The following GRM5 variants were observed in gnomAD, a reference collection of about 807,000 sequenced individuals.
GRM5 encodes the protein glutamate metabotropic receptor 5.
A neutral mutation model predicts 83.1 loss-of-function variants in GRM5; 19 were observed. The ratio of observed to expected loss-of-function variants is 0.23; its 90% CI spans 0.16 to 0.34. GRM5 has a LOEUF of 0.34. GRM5 is among the 10% of genes least tolerant of loss of function. The pLI is 1.00. For synonymous variants in GRM5, 675 were observed against 633.6 expected (o/e 1.07, Z -0.98); for missense variants, 1,160 against 1,588.3 (o/e 0.73, Z 4.58).
chr11:88,621,839 C>G (rs1005391695), intron 4 of GRM5, among the ~76,000 whole-genome samples: 2 of 152,092 alleles, frequency 1.3e-5, no homozygotes, highest in Non-Finnish European at 2.9e-5. Flanking sequence ...AAACGAATTA[C>G]ATTGCAGTAT....
chr11:88,696,285 A>G (rs539590467), intron 3 of GRM5, among the ~76,000 whole-genome samples: 2 of 151,748 alleles, frequency 1.3e-5, no homozygotes, highest in African/African-American at 2.4e-5. Flanking sequence ...TCCATGTCCA[A>G]CTGCTTGTGT....
chr11:89,020,985 T>G lies in GRM5; in HGVS notation c.661+26227A>C, dbSNP rs188962134. Among the ~76,000 whole-genome samples the G allele has an allele frequency of 3.1e-3, 476 of 152,318 alleles. 3 individuals carry two copies. Among genetic ancestry groups the G allele is most frequent in the African/African-American group, 0.011 (450 of 41,576 alleles). On this transcript the variant is annotated intron_variant, in intron 2 of 9. Transcript: ENST00000305447. ...AGGCTATTTCCTTTCCAATACCCTG[T>G]GAGAGTCTCCATGAAGAACGATAAA...
At chr11:88,703,655 G>C (rs1177323189) in intron 3 of GRM5, among the ~76,000 whole-genome samples, 2 of 152,014 alleles carry the variant, frequency 1.3e-5, no homozygotes, top group Non-Finnish European at 1.5e-5. Context: ...CGATATTCTT[G>C]TGATAATCAG....
chr11:88,914,303 AG>A lies in GRM5; in HGVS notation c.662-64149del, dbSNP rs373350861. 2.3e-4 allele frequency among the ~76,000 whole-genome samples: 35 copies of A among 152,314 alleles called. 2 individuals carry two copies. The East Asian group carries it at 4.1e-3, about 18-fold the overall frequency. Reference sequence around the variant, plus strand: ...AATTAATTCAAAAATATGAAGAAATAGTTCCTACACATCAAGCATTCTCTCT... The same window carrying A: ...AATTAATTCAAAAATATGAAGAAATATTCCTACACATCAAGCATTCTCTCT... On this transcript the variant is annotated intron_variant, in intron 2 of 9. Coordinates refer to ENST00000305447, the MANE Select transcript of GRM5 (RefSeq NM_001143831.3).
intron 3 of GRM5, among the ~76,000 whole-genome samples, chr11:88,680,815 T>G (rs957989493): frequency 3.3e-5 from 5 of 152,306 alleles, no homozygotes; most frequent in African/African-American, 1.2e-4. Context: ...CTTCTAGGGC[T>G]TTCCTGATGG....
intron 1 of GRM5, among the ~76,000 whole-genome samples, chr11:89,055,493 A>C (rs1163088771): frequency 1.3e-5 from 2 of 152,030 alleles, no homozygotes; most frequent in Non-Finnish European, 2.9e-5. Flanking sequence ...TTTAAGGAAA[A>C]TAGCATCACA....
chr11:88,982,204 G>A (rs504785), intron 2 of GRM5, among the ~76,000 whole-genome samples: 7,395 of 152,196 alleles, frequency 0.049, 585 homozygotes, highest in African/African-American at 0.16. Flanking sequence ...TTCATCATGT[G>A]ATTTTTGGAA....
chr11:88,994,621 A>AC lies in GRM5; in HGVS notation c.661+52590_661+52591insG, dbSNP rs1555056406. On this transcript the variant is annotated intron_variant, in intron 2 of 9. Transcript: ENST00000305447. Reference sequence around the variant, plus strand: ...ATTAAAGCATTACAGAAAAAAAAAAAAAAAAACAGTAAAACACTTTGTTGG... The same window carrying AC: ...ATTAAAGCATTACAGAAAAAAAAAAACAAAAAACAGTAAAACACTTTGTTGG... Among the ~76,000 whole-genome samples, 6 of 149,452 alleles carry AC rather than the reference A, an allele frequency of 4.0e-5. No homozygotes were observed. In the South Asian group the frequency reaches 6.3e-4, roughly 16 times the overall value.
chr11:88,799,313 C>T (rs986225499), intron 3 of GRM5, among the ~76,000 whole-genome samples: 8 of 151,830 alleles, frequency 5.3e-5, no homozygotes, highest in African/African-American at 1.4e-4. Context: ...TAAAGCTAAC[C>T]GTTTAACATA....
At chr11:88,591,395 C>T (rs1041965232) in intron 6 of GRM5, among the ~76,000 whole-genome samples, 1 of 152,040 alleles carries the variant, frequency 6.6e-6, no homozygotes, top group Non-Finnish European at 1.5e-5. Flanking sequence ...ATCTATCTGA[C>T]TTTTTTAAGG....
At chr11:88,777,017 A>T (rs1303758615) in intron 3 of GRM5, among the ~76,000 whole-genome samples, 3 of 152,174 alleles carry the variant, frequency 2.0e-5, no homozygotes, top group Admixed American at 1.3e-4. Context: ...TCTCCTGGAT[A>T]ATATCCTGAA....
Position 88,764,810 on chromosome 11 carries a change from C to T in GRM5, c.911+85096G>A, listed in dbSNP as rs570950201. Among the ~76,000 whole-genome samples the T allele has an allele frequency of 1.2e-3, 179 of 151,130 alleles. 2 individuals carry two copies. Among genetic ancestry groups the T allele is most frequent in the African/African-American group, 4.1e-3 (169 of 41,366 alleles). On this transcript the variant is annotated intron_variant, in intron 3 of 9. Coordinates refer to ENST00000305447, the MANE Select transcript of GRM5 (RefSeq NM_001143831.3). ...GATACTAGAATAAAAACAAACTAAA[C>T]CCAAAGATAGAAGAAGGAAGGAAAT...
intron 3 of GRM5, among the ~76,000 whole-genome samples, chr11:88,819,231 C>T (rs1203497956): frequency 6.6e-6 from 1 of 152,208 alleles, no homozygotes; most frequent in Non-Finnish European, 1.5e-5. Context: ...GGCCACATCA[C>T]ATAACACTGT....
chr11:88,553,593 G>A (rs112512821), intron 8 of GRM5, among the ~76,000 whole-genome samples: 25 of 152,224 alleles, frequency 1.6e-4, no homozygotes, highest in African/African-American at 5.8e-4. Context: ...ACAGCATAGG[G>A]GAAAATTAAG....
At chr11:88,787,010 G>T (rs1297575604) in intron 3 of GRM5, among the ~76,000 whole-genome samples, 3 of 152,044 alleles carry the variant, frequency 2.0e-5, no homozygotes, top group Non-Finnish European at 4.4e-5. Context: ...TGGCTGTTAG[G>T]TGGAAAAGAC....
At chr11:89,008,406 G>C (rs191495080) in intron 2 of GRM5, among the ~76,000 whole-genome samples, 64 of 152,112 alleles carry the variant, frequency 4.2e-4, no homozygotes, top group African/African-American at 1.4e-3. Context: ...TATGTAAATA[G>C]ACAAGGACTA....
intron 2 of GRM5, among the ~76,000 whole-genome samples, chr11:89,029,148 T>A (rs1019494501): frequency 1.3e-5 from 2 of 152,254 alleles, no homozygotes; most frequent in Non-Finnish European, 2.9e-5. Context: ...CCATGGTTTA[T>A]ATGTGCCACA....
chr11:88,665,203 ATTTC>A (rs975158223), intron 3 of GRM5, among the ~76,000 whole-genome samples: 4 of 147,070 alleles, frequency 2.7e-5, no homozygotes, highest in African/African-American at 5.3e-5. Context: ...CCCTCTTGGA[ATTTC>A]TTTCTTTTTT....
intron 2 of GRM5, among the ~76,000 whole-genome samples, chr11:88,899,282 A>G (rs1424494365): frequency 6.6e-6 from 1 of 151,980 alleles, no homozygotes; most frequent in Non-Finnish European, 1.5e-5. Context: ...ATCAGTAAAT[A>G]AGCTGGCTAA....
Sources: allele counts gnomAD v4.1 joint callset (sites outside exome capture counted in the v4.1 genomes callset), GRCh38; gene constraint gnomAD v4.1.1; transcripts MANE v1.5; gene names NCBI Gene and HGNC (gene_info 2026-07-23, HGNC 2026-07-21).